The following SEM1 variants were observed in gnomAD, a reference collection of about 807,000 sequenced individuals.
The protein encoded by SEM1 is SEM1 26S proteasome subunit.
SEM1 carries 3 observed loss-of-function variants against 12.7 expected under a neutral mutation model. The observed-to-expected ratio is 0.24, with a 90% CI of 0.11 to 0.61. The LOEUF is 0.61. Ranked by LOEUF, SEM1 falls within the 20% of genes least tolerant of loss-of-function variation. The probability of loss-of-function intolerance (pLI) is 0.88; values close to 1 mark genes in which losing one functional copy is unlikely to be tolerated. For missense variants in SEM1, 59 were observed against 81.3 expected (o/e 0.73, Z 1.06); for synonymous variants, 30 against 27.8 (o/e 1.08, Z -0.25).
At chr7:96,588,597 G>A (rs1389074866) in intron 2 of SEM1, among the ~76,000 whole-genome samples, 2 of 151,746 alleles carry the variant, frequency 1.3e-5, no homozygotes, top group Non-Finnish European at 2.9e-5. Flanking sequence ...AAAAAAGACA[G>A]TGAGGATTAT....
At chr7:96,659,761 C>T (rs1788925016) in intron 2 of SEM1, among the ~76,000 whole-genome samples, 2 of 151,020 alleles carry the variant, frequency 1.3e-5, no homozygotes, top group Admixed American at 6.6e-5. Context: ...AGGGTGATCA[C>T]TAAAACAGAA....
upstream of SEM1, among the ~76,000 whole-genome samples, chr7:96,498,654 G>T (rs1803389635): frequency 6.6e-6 from 1 of 152,140 alleles, no homozygotes; most frequent in South Asian, 2.1e-4. Flanking sequence ...ATAATAAGAA[G>T]AATATAATAT....
chr7:96,688,208 C>G (rs1584864179), downstream of SEM1: 2 of 152,090 alleles, frequency 1.3e-5, no homozygotes, highest in East Asian at 3.9e-4. Context: ...TGTGAAAACT[C>G]AGTTGTACTA....
At chr7:96,562,024 T>G (rs1380646609) in intron 2 of SEM1, among the ~76,000 whole-genome samples, 1 of 152,230 alleles carries the variant, frequency 6.6e-6, no homozygotes. Flanking sequence ...CACTGTTTAG[T>G]GAACACACAT....
chr7:96,551,845 T>A (rs895317595), intron 2 of SEM1, among the ~76,000 whole-genome samples: 1 of 151,968 alleles, frequency 6.6e-6, no homozygotes, highest in Non-Finnish European at 1.5e-5. Context: ...GAAAGAAGCA[T>A]GACATGGATT....
intron 1 of SEM1, among the ~76,000 whole-genome samples, chr7:96,708,701 TC>T (rs1790546884): frequency 6.6e-6 from 1 of 152,222 alleles, no homozygotes. Context: ...AGGCCAGGTT[TC>T]CCAGTTCCAG....
chr7:96,701,079 C>G (rs893598994), intron 1 of SEM1, among the ~76,000 whole-genome samples: 41 of 152,056 alleles, frequency 2.7e-4, no homozygotes, highest in Non-Finnish European at 2.9e-5. Context: ...TCAGACACAG[C>G]TCAAATTCTA....
intron 2 of SEM1, among the ~76,000 whole-genome samples, chr7:96,566,576 T>A (rs1805848885): frequency 6.6e-6 from 1 of 151,640 alleles, no homozygotes; most frequent in African/African-American, 2.4e-5. Flanking sequence ...ATATTACAAA[T>A]ATTCTTCCTG....
At chr7:96,547,346 A>G (rs766726850) in intron 2 of SEM1, among the ~76,000 whole-genome samples, 1 of 152,178 alleles carries the variant, frequency 6.6e-6, no homozygotes, top group Non-Finnish European at 1.5e-5. Context: ...AGCTTTGATT[A>G]TGCTTTGCTT....
At chr7:96,679,456 A>G (rs1032455961) in intron 2 of SEM1, among the ~76,000 whole-genome samples, 7 of 152,094 alleles carry the variant, frequency 4.6e-5, no homozygotes, top group African/African-American at 1.7e-4. Flanking sequence ...CATAGACAAA[A>G]GCACATCATT....
chr7:96,570,863 G>A (rs1197949897), intron 2 of SEM1, among the ~76,000 whole-genome samples: 1 of 151,900 alleles, frequency 6.6e-6, no homozygotes, highest in African/African-American at 2.4e-5. Context: ...TCCGGCATCT[G>A]TTGTTTCCTA....
At chr7:96,506,219 C>T (rs892580614) in intron 3 of SEM1, among the ~76,000 whole-genome samples, 1 of 152,062 alleles carries the variant, frequency 6.6e-6, no homozygotes, top group Non-Finnish European at 1.5e-5. Context: ...GTCACAGAAT[C>T]AGCCACTTCT....
chr7:96,665,055 A>C (rs995696878), intron 2 of SEM1, among the ~76,000 whole-genome samples: 4 of 152,070 alleles, frequency 2.6e-5, no homozygotes, highest in African/African-American at 9.7e-5. Context: ...TGGGCTCAGC[A>C]TTGGCATCTG....
chr7:96,543,512 A>G (rs1419234836), intron 2 of SEM1, among the ~76,000 whole-genome samples: 3 of 152,044 alleles, frequency 2.0e-5, no homozygotes, highest in Non-Finnish European at 2.9e-5. Flanking sequence ...TATAAAATAA[A>G]TATATATTTT....
At chr7:96,639,005 A>G (rs1213924423) in intron 2 of SEM1, among the ~76,000 whole-genome samples, 1 of 151,984 alleles carries the variant, frequency 6.6e-6, no homozygotes, top group Admixed American at 6.6e-5. Context: ...TTCTTGTGAA[A>G]ATTGAATGAA....
At chr7:96,696,365 G>T (rs527820005) in intron 1 of SEM1, 2 of 152,002 alleles carry the variant, frequency 1.3e-5, no homozygotes. Context: ...TCATAGTTAT[G>T]ACACTACTGA....
At chr7:96,705,342 T>TA (rs1790416382) in intron 1 of SEM1, among the ~76,000 whole-genome samples, 1 of 117,792 alleles carries the variant, frequency 8.5e-6, no homozygotes, top group South Asian at 3.2e-4. Context: ...CTAAATATTC[T>TA]AAAAAAGCTT....
intron 2 of SEM1, among the ~76,000 whole-genome samples, chr7:96,524,973 C>G (rs10953179): frequency 0.25 from 37,485 of 152,016 alleles, 4,853 homozygotes; most frequent in Middle Eastern, 0.38. Flanking sequence ...TATATGTCCT[C>G]AATCAGATTA....
intron 2 of SEM1, among the ~76,000 whole-genome samples, chr7:96,516,614 A>G (rs1340579853): frequency 6.6e-6 from 1 of 152,144 alleles, no homozygotes; most frequent in East Asian, 1.9e-4. Flanking sequence ...AGAACCAGGA[A>G]CTCTCATTCA....
Sources: allele counts gnomAD v4.1 joint callset (sites outside exome capture counted in the v4.1 genomes callset), GRCh38; gene constraint gnomAD v4.1.1; transcripts MANE v1.5; gene names NCBI Gene and HGNC (gene_info 2026-07-23, HGNC 2026-07-21).